The following MYO18A variants were observed in gnomAD, a reference collection of about 807,000 sequenced individuals.
MYO18A encodes the protein unconventional myosin-XVIIIa.
MYO18A carries 78 observed loss-of-function variants against 235.8 expected under a neutral mutation model. The ratio of observed to expected loss-of-function variants is 0.33; its 90% CI spans 0.28 to 0.40. The LOEUF is 0.40. Among genes scored for constraint, MYO18A ranks in the 10% least tolerant of loss-of-function variants. MYO18A has a pLI of 1.00. For synonymous variants in MYO18A, 977 were observed against 1,077.8 expected, an observed-to-expected ratio of 0.91 and a Z score of 1.83; for missense variants, 2,215 against 2,699.3, an observed-to-expected ratio of 0.82 and a Z score of 3.98.
intron 1 of MYO18A, chr17:29,176,451 T>C (rs1412366104): frequency 6.6e-6 from 1 of 151,990 alleles, no homozygotes; most frequent in East Asian, 1.9e-4. Flanking sequence ...TGCCCAGAGT[T>C]GGCTGTGGTG....
chr17:29,116,415 G>A (rs1288277629), intron 11 of MYO18A, 29 bp downstream of exon 11: 1 of 1,613,862 alleles, frequency 6.2e-7, no homozygotes, highest in Non-Finnish European at 8.5e-7. Context: ...ACGGCAATTA[G>A]GGAAAGCTAA....
chr17:29,122,313 C>T (rs764070470), intron 2 of MYO18A, 60 bp from the exon 3 acceptor site: 39 of 1,497,020 alleles, frequency 2.6e-5, no homozygotes, highest in Non-Finnish European at 3.4e-5. Flanking sequence ...CAAGGACAGC[C>T]GTAGAGGGGA....
intron 1 of MYO18A, among the ~76,000 whole-genome samples, chr17:29,171,181 G>A (rs574013113): frequency 6.6e-6 from 1 of 152,176 alleles, no homozygotes; most frequent in Non-Finnish European, 1.5e-5. Flanking sequence ...CAGGCGCGTT[G>A]GCTCACGCCT....
At chr17:29,146,524 G>C (rs943379960) in intron 2 of MYO18A, among the ~76,000 whole-genome samples, 4 of 152,086 alleles carry the variant, frequency 2.6e-5, no homozygotes, top group Admixed American at 1.3e-4. Context: ...ACATGACTTC[G>C]CCCTGGCCAA....
intron 15 of MYO18A, among the ~76,000 whole-genome samples, chr17:29,112,767 A>AT (rs1465097790): frequency 1.3e-5 from 2 of 152,092 alleles, no homozygotes; most frequent in African/African-American, 4.8e-5. Context: ...GAAAAGGGCC[A>AT]TTTTTCCTCT....
At position 29,111,741 on chromosome 17, in the gene MYO18A, G is replaced by A. The variant is rs571488879; in HGVS notation, c.2721C>T (p.Pro907=). Residue 907 remains proline, a synonymous_variant, in exon 16 of 42, where the codon CCC becomes CCT. Transcript: ENST00000527372. The surrounding 1 kb of genome is among the most constrained non-coding windows in gnomAD (Gnocchi z 5.1). ...LLERLFSYYG[P]QEGDKKGQSP... ...ACCTACCTTTTTTGTCACCTTCCTGGGGGCCATAATAGGAGAAAAGGCGCT... is the reference window on the plus strand; with the variant it reads ...ACCTACCTTTTTTGTCACCTTCCTGAGGGCCATAATAGGAGAAAAGGCGCT... 227 of 1,613,666 alleles carry A rather than the reference G, an allele frequency of 1.4e-4. No homozygotes were observed. The highest frequency in any genetic ancestry group is 2.7e-4 in the Admixed American group (16 of 60,008).
intron 2 of MYO18A, among the ~76,000 whole-genome samples, chr17:29,146,007 C>T (rs2067840230): frequency 6.6e-6 from 1 of 152,240 alleles, no homozygotes; most frequent in African/African-American, 2.4e-5. Flanking sequence ...CCAGTAATCT[C>T]AGCACTTTGG....
chr17:29,165,825 C>A lies in MYO18A; in HGVS notation c.999+117G>T, dbSNP rs2068268682. 4.1e-6 allele frequency: 4 copies of A among 977,636 alleles called. No homozygotes were observed. In the East Asian group the frequency reaches 1.1e-4, roughly 26 times the overall value. The allele number at this position is 977,636 out of a possible 1,614,324, so 60.6% of individuals were successfully genotyped here. The stretch of plus-strand genomic sequence containing the variant: ...GGCTCAGAGAGCAGCAGGGCTTCCC[C>A]ACTTACACACTGCTAGGCTCTGATA... On this transcript the variant is annotated intron_variant, in intron 2 of 41. Coordinates refer to ENST00000527372, the MANE Select transcript of MYO18A (RefSeq NM_078471.4).
rs967080613 is a variant in MYO18A at position 29,125,413 on chromosome 17, C to CTG, written c.1000-3162_1000-3161dup. ...AGAGCAAAGGCACTGTGGGCAAACC[C>CTG]TGTGGCCAGCCGTGACCTCTCTGGT... On this transcript the variant is annotated intron_variant, in intron 2 of 41. Coordinates refer to ENST00000527372, the MANE Select transcript of MYO18A (RefSeq NM_078471.4). The surrounding 1 kb of genome is among the most constrained non-coding windows in gnomAD (Gnocchi z 5.1). Among the ~76,000 whole-genome samples the CTG allele has an allele frequency of 6.6e-6, 1 of 152,272 alleles. No homozygotes were observed. Among genetic ancestry groups the CTG allele is most frequent in the Non-Finnish European group, 1.5e-5 (1 of 68,046 alleles).
chr17:29,143,347 C>G (rs1362934040), intron 2 of MYO18A, among the ~76,000 whole-genome samples: 1 of 152,108 alleles, frequency 6.6e-6, no homozygotes, highest in Non-Finnish European at 1.5e-5. Context: ...ATCCTCCCAC[C>G]TCAGCCTCCG....
At chr17:29,128,683 G>A (rs938854447) in intron 2 of MYO18A, 10 of 609,406 alleles carry the variant, frequency 1.6e-5, no homozygotes, top group South Asian at 2.0e-5. Flanking sequence ...ATGGCTCCAC[G>A]AGGCTACCCC....
chr17:29,112,038 C>T lies in MYO18A; in HGVS notation c.2599-175G>A, dbSNP rs542767903. Among the ~76,000 whole-genome samples, 3 of 152,300 alleles carry T rather than the reference C, an allele frequency of 2.0e-5. No homozygotes were observed. The South Asian group carries it at 6.2e-4, about 32-fold the overall frequency. On this transcript the variant is annotated intron_variant, in intron 15 of 41. Coordinates refer to ENST00000527372, the MANE Select transcript of MYO18A (RefSeq NM_078471.4). ...ACACCTTGTGGAGGAAGCGGGCAGC[C>T]CGGGGAAAGGGGAGCCAAGAAAGTG...
intron 30 of MYO18A, 73 bp downstream of exon 30, chr17:29,094,577 G>C (rs2066476260): frequency 2.7e-6 from 4 of 1,497,088 alleles, no homozygotes; most frequent in Non-Finnish European, 3.7e-6. Context: ...TCTGGCCCAT[G>C]CCTGAGGCTG....
chr17:29,140,475 G>A lies in MYO18A; in HGVS notation c.1000-18222C>T. On this transcript the variant is annotated intron_variant, in intron 2 of 41. Coordinates refer to ENST00000527372, the MANE Select transcript of MYO18A (RefSeq NM_078471.4). The surrounding 1 kb of genome is among the most constrained non-coding windows in gnomAD (Gnocchi z 4.2). Reference sequence around the variant, plus strand: ...CCCTCTCCCCGGCCCCTCCCGTCCCGAGCTGCCCAGCCCTAGTTGGAGCCA... The same window carrying A: ...CCCTCTCCCCGGCCCCTCCCGTCCCAAGCTGCCCAGCCCTAGTTGGAGCCA... The A allele has an allele frequency of 1.1e-5, 13 of 1,185,806 alleles. No individual in the cohort carries two copies. The highest frequency in any genetic ancestry group is 1.1e-5 in the Non-Finnish European group (10 of 933,574). The allele number at this position is 1,185,806 out of a possible 1,614,324, so 73.5% of individuals were successfully genotyped here.
Position 29,093,995 on chromosome 17 carries a change from C to CT in MYO18A, c.4805dup (p.Ser1603ValfsTer18). 1 of 1,609,550 alleles carries CT rather than the reference C, an allele frequency of 6.2e-7. No individual in the cohort carries two copies. Among genetic ancestry groups the CT allele is most frequent in the Non-Finnish European group, 8.5e-7 (1 of 1,178,102 alleles). The stretch of plus-strand genomic sequence containing the variant: ...GATACCTTACCTTCTTCTGACACGA[C>CT]TGCCGGGCCTCCTCCACCTCCTCAT... On this transcript the variant is annotated frameshift_variant, in exon 31 of 42. Coordinates refer to ENST00000527372, the MANE Select transcript of MYO18A (RefSeq NM_078471.4). LOFTEE classifies it high-confidence loss of function.
intron 34 of MYO18A, 103 bp downstream of exon 34, chr17:29,092,240 A>T: frequency 1.3e-6 from 1 of 793,614 alleles, no homozygotes; most frequent in Non-Finnish European, 2.1e-6. Flanking sequence ...ACCTGTCACA[A>T]GTCCTGACGT....
At chr17:29,130,474 C>CCTCACACACA (rs1470883412) in intron 2 of MYO18A, among the ~76,000 whole-genome samples, 6 of 142,140 alleles carry the variant, frequency 4.2e-5, no homozygotes, top group African/African-American at 1.6e-4. Context: ...GAGGCCTCTC[C>CCTCACACACA]CACACACACA....
chr17:29,141,254 CT>C (rs951981857), intron 2 of MYO18A, among the ~76,000 whole-genome samples: 1 of 152,148 alleles, frequency 6.6e-6, no homozygotes, highest in African/African-American at 2.4e-5. Flanking sequence ...AAGAGAAATC[CT>C]GGCCTGGCTC....
chr17:29,096,152 G>A (rs2066513871), intron 28 of MYO18A, among the ~76,000 whole-genome samples: 2 of 152,228 alleles, frequency 1.3e-5, no homozygotes, highest in South Asian at 4.1e-4. Flanking sequence ...CAGTGCCTCT[G>A]CTGAGAAGCC....
Sources: gnomAD v4.1 joint callset for allele counts (sites outside exome capture counted in the v4.1 genomes callset) on GRCh38, gnomAD v4.1.1 for gene constraint, Gnocchi (gnomAD v3.1) non-coding constraint, MANE v1.5 for transcripts, NCBI Gene and HGNC (gene_info 2026-07-23, HGNC 2026-07-21) for gene names.